The following NLRP1 variants were observed in gnomAD, a reference collection of about 807,000 sequenced individuals.
NLRP1 encodes the protein NLR family pyrin domain containing 1, also known as NACHT, LRR and PYD domains-containing protein 1.
Under a neutral mutation model 136.7 loss-of-function variants are expected in NLRP1, and 94 were observed. The ratio of observed to expected loss-of-function variants is 0.69; its 90% CI spans 0.58 to 0.82. The LOEUF is 0.82. Ranked by LOEUF, NLRP1 falls within the 40% of genes least tolerant of loss-of-function variation. NLRP1 has a pLI of 0.00. For synonymous variants in NLRP1, 690 were observed against 725.1 expected (o/e 0.95, Z 0.78); for missense variants, 1,575 against 1,802.7 (o/e 0.87, Z 2.29).
At chr17:5,517,221 T>C (rs1205573916) in intron 15 of NLRP1, among the ~76,000 whole-genome samples, 1 of 152,108 alleles carries the variant, frequency 6.6e-6, no homozygotes, top group East Asian at 1.9e-4. Context: ...ACATAAATTT[T>C]AGAGGGTCAG....
rs777768119 is a variant in NLRP1 at position 5,537,671 on chromosome 17, G to T, written c.2871-731C>A. ...CCCCTACTGCTGTTAGAGCTGTTCT[G>T]CCCCTGGGGAGGAGCGCAGACCTTG... On this transcript the variant is annotated intron_variant, in intron 7 of 16. Coordinates refer to ENST00000572272, the MANE Select transcript of NLRP1 (RefSeq NM_033004.4). The surrounding 1 kb of genome is among the most constrained non-coding windows in gnomAD (Gnocchi z 4.5). 6.6e-6 allele frequency among the ~76,000 whole-genome samples: 1 copy of T among 152,200 alleles called. No individual in the cohort carries two copies. Among genetic ancestry groups the T allele is most frequent in the African/African-American group, 2.4e-5 (1 of 41,454 alleles).
intron 12 of NLRP1, among the ~76,000 whole-genome samples, chr17:5,529,140 T>A (rs1342480460): frequency 6.6e-6 from 1 of 152,218 alleles, no homozygotes; most frequent in Non-Finnish European, 1.5e-5. Flanking sequence ...TTCACATTAA[T>A]GAGACTAATC....
chr17:5,507,185 C>T (rs540793671), intron 15 of NLRP1, among the ~76,000 whole-genome samples: 208 of 152,066 alleles, frequency 1.4e-3, no homozygotes, highest in Non-Finnish European at 2.5e-3. Flanking sequence ...GATCGTTGCA[C>T]GTCGAGGTGA....
intron 14 of NLRP1, chr17:5,518,109 C>G (rs7223605): frequency 2.0e-6 from 1 of 502,942 alleles, no homozygotes; most frequent in East Asian, 3.5e-5. Flanking sequence ...TGTCCTTAAA[C>G]GTAGTGCTCA....
intron 4 of NLRP1, among the ~76,000 whole-genome samples, chr17:5,553,905 C>T (rs969262795): frequency 2.9e-4 from 44 of 150,432 alleles, no homozygotes; most frequent in African/African-American, 9.3e-4. Context: ...GGCCTGGCCT[C>T]GGTGCTGAGC....
At chr17:5,523,285 C>CAAAAACA (rs550799518) in intron 12 of NLRP1, among the ~76,000 whole-genome samples, 122 of 151,538 alleles carry the variant, frequency 8.1e-4, no homozygotes, top group African/African-American at 2.6e-3. Context: ...GACCCTGTCT[C>CAAAAACA]AAAAACAAAA....
intron 15 of NLRP1, among the ~76,000 whole-genome samples, chr17:5,517,458 G>A (rs2151736246): frequency 6.6e-6 from 1 of 151,102 alleles, no homozygotes; most frequent in Non-Finnish European, 1.5e-5. Flanking sequence ...TGCGATCTCA[G>A]CTCACTGCAA....
intron 3 of NLRP1, among the ~76,000 whole-genome samples, chr17:5,566,144 T>C (rs1320737058): frequency 6.6e-6 from 1 of 152,164 alleles, no homozygotes; most frequent in Non-Finnish European, 1.5e-5. Context: ...ATTGATCTTT[T>C]GTATTTTTTC....
At position 5,536,868 on chromosome 17, in the gene NLRP1, C is replaced by A. The variant is rs1234876798; in HGVS notation, c.2943G>T (p.Leu981=). The A allele has an allele frequency of 6.2e-7, 1 of 1,612,820 alleles. No homozygotes were observed. ...LRALEQEKPQ[L]LIFSRRKPSV... ...CCCCTTACCGTCTGCTGAAGATGAG[C>A]AGCTGAGGTTTCTCCTGCTCCAGGG... The change falls in exon 8 of 17, where the codon CTG becomes CTT. Residue 981 remains leucine, a synonymous_variant. Transcript: ENST00000572272.
At chr17:5,555,189 A>C (rs1422940947) in intron 4 of NLRP1, among the ~76,000 whole-genome samples, 1 of 152,224 alleles carries the variant, frequency 6.6e-6, no homozygotes, top group African/African-American at 2.4e-5. Flanking sequence ...GACTGAAAAA[A>C]AATTAAAAAT....
rs1555550348 is a variant in NLRP1 at position 5,583,796 on chromosome 17, GGCCA to G, written c.158_161del (p.Val53AlafsTer16). ...CCCCATACTGAGCCACCAGGTACGA[GGCCA>G]CCTCCATGCCACTCGTCTTCTCTGG... On this transcript the variant is annotated frameshift_variant, in exon 1 of 17. Coordinates refer to ENST00000572272, the MANE Select transcript of NLRP1 (RefSeq NM_033004.4). LOFTEE classifies it high-confidence loss of function. The surrounding 1 kb of genome is among the most constrained non-coding windows in gnomAD (Gnocchi z 4.5). 1 of 1,557,226 alleles carries G rather than the reference GGCCA, an allele frequency of 6.4e-7. No individual in the cohort carries two copies. The highest frequency in any genetic ancestry group is 8.7e-7 in the Non-Finnish European group (1 of 1,149,676).
chr17:5,558,222 G>T, intron 4 of NLRP1, 117 bp downstream of exon 4: 1 of 1,101,430 alleles, frequency 9.1e-7, no homozygotes, highest in Non-Finnish European at 1.3e-6. Flanking sequence ...TGGAGACCCT[G>T]ATCCTTTAGC....
intron 5 of NLRP1, among the ~76,000 whole-genome samples, chr17:5,552,083 CCTTTTTTTTTTTTT>C (rs1913437073): frequency 1.2e-5 from 1 of 81,616 alleles, no homozygotes; most frequent in Non-Finnish European, 2.2e-5. Context: ...CTCTATCTTT[CCTTTTTTTTTTTTT>C]TTTTTTTTTT....
downstream of NLRP1, chr17:5,512,439 T>A: frequency 1.2e-6 from 1 of 801,044 alleles, no homozygotes; most frequent in Non-Finnish European, 2.2e-6. Flanking sequence ...AATCCGCAAT[T>A]CCACGACCAG....
intron 12 of NLRP1, among the ~76,000 whole-genome samples, chr17:5,525,234 T>C (rs923911773): frequency 2.6e-5 from 4 of 152,196 alleles, no homozygotes; most frequent in Non-Finnish European, 5.9e-5. Flanking sequence ...GTACGGACAA[T>C]GTGCCAGCCC....
chr17:5,501,837 T>G (rs774257690), exon 16 of NLRP1: 7 of 1,613,898 alleles, frequency 4.3e-6, no homozygotes, highest in African/African-American at 1.3e-5. Flanking sequence ...GCGTCTCTGT[T>G]GCACCTGAGG....
intron 5 of NLRP1, among the ~76,000 whole-genome samples, chr17:5,545,449 CACAG>C (rs1434404105): frequency 5.3e-5 from 8 of 150,820 alleles, no homozygotes; most frequent in Non-Finnish European, 1.0e-4. Flanking sequence ...CACTTTGACA[CACAG>C]ACACACATAC....
chr17:5,540,970 A>G (rs1170476102), intron 6 of NLRP1, among the ~76,000 whole-genome samples: 2 of 152,192 alleles, frequency 1.3e-5, no homozygotes, highest in African/African-American at 4.8e-5. Flanking sequence ...GGGTGCACAG[A>G]GGGGTGTGTA....
At chr17:5,514,065 A>G (rs1482557335), downstream of NLRP1, 1 of 152,242 alleles carries the variant, frequency 6.6e-6, no homozygotes. Context: ...CACACGATCA[A>G]GAAATAACCA....
Sources: allele counts gnomAD v4.1 joint callset (sites outside exome capture counted in the v4.1 genomes callset), GRCh38; gene constraint gnomAD v4.1.1; non-coding constraint Gnocchi (gnomAD v3.1); transcripts MANE v1.5; gene names NCBI Gene and HGNC (gene_info 2026-07-23, HGNC 2026-07-21).